Variants in SPIDR observed in about 807,000 individuals in gnomAD.
SPIDR encodes DNA repair-scaffolding protein.
In SPIDR, 93 loss-of-function variants were observed where a neutral mutation model predicts 104.6. The observed-to-expected ratio is 0.89, with a 90% confidence interval of 0.75 to 1.06. The LOEUF is 1.06. Among genes scored for constraint, SPIDR ranks in the 50% least tolerant of loss-of-function variants. The pLI, the probability that SPIDR is intolerant of heterozygous loss-of-function variation, is 0.00. For missense variants in SPIDR, 1,154 were observed against 1,111.2 expected (o/e 1.04, Z -0.55); for synonymous variants, 431 against 416.9 (o/e 1.03, Z -0.41).
At chr8:47,600,667 A>C (rs1357715385) in intron 10 of SPIDR, among the ~76,000 whole-genome samples, 1 of 152,166 alleles carries the variant, frequency 6.6e-6, no homozygotes, top group Non-Finnish European at 1.5e-5. Flanking sequence ...TGGTAAATTT[A>C]TATAGAATTT....
chr8:47,472,501 A>G (rs782746826), intron 8 of SPIDR, among the ~76,000 whole-genome samples: 3 of 152,232 alleles, frequency 2.0e-5, no homozygotes. Flanking sequence ...AATATTTTGC[A>G]AAGTATTACA....
At chr8:47,455,486 A>G (rs2072780968) in intron 8 of SPIDR, among the ~76,000 whole-genome samples, 1 of 152,126 alleles carries the variant, frequency 6.6e-6, no homozygotes, top group African/African-American at 2.4e-5. Context: ...AGGCATAAGA[A>G]AAAAGTGTAT....
In SPIDR at chr8:47,719,317, G is replaced by A. The variant is rs192997253; in HGVS notation, c.2341+5676G>A. Among the ~76,000 whole-genome samples, 5 of 152,142 alleles carry A rather than the reference G, an allele frequency of 3.3e-5. No homozygotes were observed. The East Asian group carries it at 9.7e-4, about 29-fold the overall frequency. ...AGGTCAGGAGATCGAGACCATCCTGGCTAACACAGTGAAACCCTGTCTCTA... is the reference window on the plus strand; with the variant it reads ...AGGTCAGGAGATCGAGACCATCCTGACTAACACAGTGAAACCCTGTCTCTA... On this transcript the variant is annotated intron_variant, in intron 16 of 19. Coordinates refer to ENST00000297423, the MANE Select transcript of SPIDR (RefSeq NM_001080394.4).
intron 10 of SPIDR, among the ~76,000 whole-genome samples, chr8:47,630,918 G>A (rs1400784796): frequency 6.6e-6 from 1 of 152,152 alleles, no homozygotes; most frequent in African/African-American, 2.4e-5. Context: ...GGGGCAGAAG[G>A]CACAGTACCC....
chr8:47,341,720 G>A (rs2050791800), intron 5 of SPIDR, among the ~76,000 whole-genome samples: 1 of 152,090 alleles, frequency 6.6e-6, no homozygotes, highest in Non-Finnish European at 1.5e-5. Flanking sequence ...AGTAACATTT[G>A]TCGCTCATGG....
chr8:47,722,103 G>A (rs1189329992), intron 16 of SPIDR, among the ~76,000 whole-genome samples: 2 of 152,042 alleles, frequency 1.3e-5, no homozygotes, highest in African/African-American at 4.8e-5. Flanking sequence ...TACATATTTT[G>A]TTAGATTTAT....
rs1300400086 is a variant in SPIDR at position 47,260,964 on chromosome 8, C to T, written c.6C>T (p.Pro2=). The change falls in exon 1 of 20, where the codon CCC becomes CCT. Residue 2 remains proline (P), a synonymous_variant. Transcript: ENST00000297423. M[P]RGSRARGSKR... ...CTCAGGCGGCGCTCCCGGAGATGCC[C>T]CGCGGCAGCCGCGCTCGGGGCTCTA... 33 of 1,229,398 alleles carry T rather than the reference C, an allele frequency of 2.7e-5. No individual in the cohort carries two copies. The highest frequency in any genetic ancestry group is 3.9e-5 in the South Asian group (1 of 25,492). 76.2% of individuals were successfully genotyped at this position (1,229,398 alleles called of 1,614,324 possible). A position where few individuals can be genotyped will look rare whatever the true frequency, so the allele number is the denominator to read the frequency against.
At chr8:47,293,650 G>T (rs2040336739) in intron 4 of SPIDR, among the ~76,000 whole-genome samples, 1 of 152,100 alleles carries the variant, frequency 6.6e-6, no homozygotes, top group Non-Finnish European at 1.5e-5. Flanking sequence ...ATTTCATCTT[G>T]TTGGCCAGGC....
intron 8 of SPIDR, among the ~76,000 whole-genome samples, chr8:47,471,181 A>C (rs985819905): frequency 6.6e-6 from 1 of 152,260 alleles, no homozygotes; most frequent in Admixed American, 6.5e-5. Flanking sequence ...GTTGAACTCT[A>C]TCAAAATTTG....
intron 8 of SPIDR, among the ~76,000 whole-genome samples, chr8:47,589,295 C>T (rs891480734): frequency 2.0e-5 from 3 of 151,298 alleles, no homozygotes; most frequent in Admixed American, 6.6e-5. Context: ...CCGAGGGCGG[C>T]GGATCACTAG....
intron 1 of SPIDR, among the ~76,000 whole-genome samples, chr8:47,273,818 T>C (rs2035821289): frequency 6.6e-6 from 1 of 152,312 alleles, no homozygotes; most frequent in African/African-American, 2.4e-5. Context: ...GGTCTCAAAT[T>C]CAGGCTCAAG....
intron 8 of SPIDR, among the ~76,000 whole-genome samples, chr8:47,543,010 T>C (rs1408235298): frequency 1.3e-5 from 2 of 152,268 alleles, no homozygotes; most frequent in Non-Finnish European, 2.9e-5. Flanking sequence ...AGTTGTTGCA[T>C]GTATAAGTAG....
intron 10 of SPIDR, among the ~76,000 whole-genome samples, chr8:47,624,414 C>CA (rs1221544247): frequency 1.3e-5 from 2 of 152,012 alleles, no homozygotes; most frequent in Non-Finnish European, 2.9e-5. Context: ...GACAGAGACA[C>CA]AAAAAACCCT....
chr8:47,700,555 C>T (rs918208932), intron 12 of SPIDR, 65 bp downstream of exon 12: 10 of 1,502,802 alleles, frequency 6.7e-6, no homozygotes, highest in Admixed American at 3.4e-5. Context: ...CCAAGCCAGG[C>T]GTCATCACTG....
At chr8:47,481,587 G>C (rs2154361870) in intron 8 of SPIDR, among the ~76,000 whole-genome samples, 1 of 152,328 alleles carries the variant, frequency 6.6e-6, no homozygotes, top group Middle Eastern at 3.4e-3. Flanking sequence ...TCAGGGCACT[G>C]CCTGTTTTGC....
At chr8:47,616,202 C>T (rs972625851) in intron 10 of SPIDR, among the ~76,000 whole-genome samples, 14 of 152,164 alleles carry the variant, frequency 9.2e-5, no homozygotes, top group Non-Finnish European at 1.3e-4. Flanking sequence ...TCCAGTACAG[C>T]GTTGAATGGA....
intron 8 of SPIDR, among the ~76,000 whole-genome samples, chr8:47,558,457 A>G (rs911692539): frequency 6.6e-6 from 1 of 152,142 alleles, no homozygotes; most frequent in African/African-American, 2.4e-5. Context: ...AATATAAATC[A>G]TATATCTTGA....
intron 5 of SPIDR, among the ~76,000 whole-genome samples, chr8:47,339,447 C>T (rs1178096256): frequency 6.6e-6 from 1 of 151,960 alleles, no homozygotes; most frequent in East Asian, 1.9e-4. Flanking sequence ...TGTAATTAAC[C>T]TATATCTTAA....
At chr8:47,467,471 C>T (rs1224084775) in intron 8 of SPIDR, among the ~76,000 whole-genome samples, 2 of 152,126 alleles carry the variant, frequency 1.3e-5, no homozygotes, top group African/African-American at 4.8e-5. Context: ...AAACAAAATA[C>T]TGACAAACTG....
Sources: gnomAD v4.1 joint callset for allele counts (sites outside exome capture counted in the v4.1 genomes callset) on GRCh38, gnomAD v4.1.1 for gene constraint, MANE v1.5 for transcripts, NCBI Gene and HGNC (gene_info 2026-07-23, HGNC 2026-07-21) for gene names.